The following HTR2C variants were observed in gnomAD, a reference collection of about 807,000 sequenced individuals.
HTR2C encodes the protein 5-hydroxytryptamine receptor 2C.
In HTR2C, 5 loss-of-function variants were observed where a neutral mutation model predicts 21.0. The observed-to-expected ratio is 0.24, with a 90% confidence interval of 0.12 to 0.50. The LOEUF (loss-of-function observed/expected upper bound fraction) is 0.50, where lower values mean the gene tolerates loss of function less well. Ranked by LOEUF, HTR2C falls within the 20% of genes least tolerant of loss-of-function variation. The pLI is 0.98. For synonymous variants in HTR2C, 150 were observed against 145.3 expected, an observed-to-expected ratio of 1.03 and a Z score of -0.23; for missense variants, 271 against 371.2, an observed-to-expected ratio of 0.73 and a Z score of 2.22.
chrX:114,678,113 C>A (rs1931624078), intron 2 of HTR2C, among the ~76,000 whole-genome samples: 1 of 111,384 alleles, frequency 9.0e-6, no homozygotes, highest in African/African-American at 3.3e-5. Flanking sequence ...TGGACCCCAG[C>A]ATAATTCAAG....
chrX:114,608,395 A>G (rs1487711083), intron 1 of HTR2C, among the ~76,000 whole-genome samples: 1 of 110,714 alleles, frequency 9.0e-6, no homozygotes, highest in East Asian at 2.8e-4. Flanking sequence ...TCCTATACCC[A>G]TTTACAATCA....
At chrX:114,887,021 G>A (rs1474603237) in intron 5 of HTR2C, among the ~76,000 whole-genome samples, 2 of 112,035 alleles carry the variant, frequency 1.8e-5, no homozygotes, top group Non-Finnish European at 3.8e-5. Context: ...ATACAGCATT[G>A]CAATGGGAAT....
intron 5 of HTR2C, among the ~76,000 whole-genome samples, chrX:114,876,316 G>T (rs2071134368): frequency 9.3e-6 from 1 of 107,909 alleles, no homozygotes; most frequent in Non-Finnish European, 1.9e-5. Context: ...ATACTTTAGG[G>T]TTTTACTTAT....
intron 2 of HTR2C, among the ~76,000 whole-genome samples, chrX:114,704,123 T>C (rs997421978): frequency 2.2e-4 from 25 of 111,497 alleles, no homozygotes; most frequent in Admixed American, 2.9e-4. Context: ...TGAATTCTAC[T>C]GGAGGTACAA....
At chrX:114,766,120 CT>C (rs2069945638) in intron 4 of HTR2C, among the ~76,000 whole-genome samples, 1 of 111,526 alleles carries the variant, frequency 9.0e-6, no homozygotes, top group Non-Finnish European at 1.9e-5. Flanking sequence ...GAATTTGTGC[CT>C]GGAATAAGAG....
At chrX:114,775,059 A>T in intron 4 of HTR2C, 1 of 487,457 alleles carries the variant, frequency 2.1e-6, no homozygotes, top group South Asian at 2.7e-5. Context: ...ACTTGTCCAG[A>T]ATCTTCTGTT....
At chrX:114,880,841 C>T (rs1372950886) in intron 5 of HTR2C, among the ~76,000 whole-genome samples, 3 of 111,123 alleles carry the variant, frequency 2.7e-5, no homozygotes, top group Non-Finnish European at 5.7e-5. Context: ...ACCTTTGGCT[C>T]GTAGCCAATA....
intron 4 of HTR2C, among the ~76,000 whole-genome samples, chrX:114,738,807 T>C (rs1384303856): frequency 9.4e-6 from 1 of 106,552 alleles, no homozygotes; most frequent in African/African-American, 3.4e-5. Flanking sequence ...AAGTAGAAAA[T>C]ATATGTATAT....
At position 114,703,221 on chromosome X, in the gene HTR2C, C is replaced by G. The variant is rs782324148; in HGVS notation, c.-79-23637C>G. Among the ~76,000 whole-genome samples, 678 of 107,416 alleles carry G rather than the reference C, an allele frequency of 6.3e-3. 5 individuals carry two copies. The highest frequency in any genetic ancestry group is 0.022 in the African/African-American group (643 of 29,757). The allele number at this position is 107,416 out of a possible 115,157, so 93.3% of individuals were successfully genotyped here. A position where few individuals can be genotyped will look rare whatever the true frequency, so the allele number is the denominator to read the frequency against. ...TGCACCAAGAGGACCTAATAGACATCTACAGAACTCTCCACCCCAAATCAA... is the reference window on the plus strand; with the variant it reads ...TGCACCAAGAGGACCTAATAGACATGTACAGAACTCTCCACCCCAAATCAA... On this transcript the variant is annotated intron_variant, in intron 2 of 5. Coordinates refer to ENST00000276198, the MANE Select transcript of HTR2C (RefSeq NM_000868.4).
chrX:114,705,080 A>G (rs1255109154), intron 2 of HTR2C, among the ~76,000 whole-genome samples: 2 of 105,136 alleles, frequency 1.9e-5, no homozygotes, highest in Non-Finnish European at 3.9e-5. Flanking sequence ...ATGGAAGAAC[A>G]TTCCATGCTC....
intron 2 of HTR2C, among the ~76,000 whole-genome samples, chrX:114,622,851 T>C (rs111779633): frequency 2.9e-3 from 330 of 112,093 alleles, no homozygotes; most frequent in African/African-American, 9.4e-3. Context: ...CAGGAAAGAT[T>C]TGTCTTTGGC....
chrX:114,802,510 G>A (rs782166527), intron 4 of HTR2C, among the ~76,000 whole-genome samples: 2 of 110,591 alleles, frequency 1.8e-5, no homozygotes, highest in African/African-American at 6.6e-5. Context: ...CAGAAATATG[G>A]TTCAGTATTT....
intron 2 of HTR2C, among the ~76,000 whole-genome samples, chrX:114,654,861 T>C (rs1485059636): frequency 9.0e-6 from 1 of 110,544 alleles, no homozygotes; most frequent in Non-Finnish European, 1.9e-5. Flanking sequence ...GTCAGTATTG[T>C]ATTTCTCCTG....
In HTR2C at chrX:114,802,683, ATTCTTTCTTTCT is replaced by A. The variant is rs57990660; in HGVS notation, c.350-45274_350-45263del. Among the ~76,000 whole-genome samples, 426 of 66,794 alleles carry A rather than the reference ATTCTTTCTTTCT, an allele frequency of 6.4e-3. 4 individuals carry two copies. The highest frequency in any genetic ancestry group is 0.022 in the Middle Eastern group (3 of 137). 58.0% of individuals were successfully genotyped at this position (66,794 alleles called of 115,157 possible). ...GATTTTATTGCCATGCTATGCTTAG[ATTCTTTCTTTCT>A]TTCTTTCTTTCTTTCTTTCTTTCTT... On this transcript the variant is annotated intron_variant, in intron 4 of 5. Coordinates refer to ENST00000276198, the MANE Select transcript of HTR2C (RefSeq NM_000868.4).
chrX:114,855,208 T>A (rs1003399589), intron 5 of HTR2C, among the ~76,000 whole-genome samples: 1 of 111,622 alleles, frequency 9.0e-6, no homozygotes, highest in Non-Finnish European at 1.9e-5. Context: ...AATCACTGAC[T>A]TTTTTATATA....
At chrX:114,887,693 C>A (rs1485504576) in intron 5 of HTR2C, among the ~76,000 whole-genome samples, 3 of 110,922 alleles carry the variant, frequency 2.7e-5, no homozygotes, top group Non-Finnish European at 5.7e-5. Flanking sequence ...AATATGCTAT[C>A]CCATCACTTT....
At chrX:114,782,070 G>T (rs1340619232) in intron 4 of HTR2C, among the ~76,000 whole-genome samples, 4 of 97,671 alleles carry the variant, frequency 4.1e-5, no homozygotes, top group Admixed American at 1.2e-4. Flanking sequence ...CACAAAAGCA[G>T]TCTGACAAAA....
At chrX:114,734,564 T>TAAAAAAAAAAAAAAAAAAAA (rs61672860) in intron 4 of HTR2C, among the ~76,000 whole-genome samples, 16 of 34,294 alleles carry the variant, frequency 4.7e-4, no homozygotes, top group Non-Finnish European at 5.5e-4. Flanking sequence ...GCCTTACATG[T>TAAAAAAAAAAAAAAAAAAAA]AAAAAAAAAA....
rs369447787 is a variant in HTR2C at position 114,859,316 on chromosome X, C to CTGTG, written c.550+11130_550+11133dup. 2.5e-3 allele frequency among the ~76,000 whole-genome samples: 271 copies of CTGTG among 106,436 alleles called. 1 individual carries two copies. Among genetic ancestry groups the CTGTG allele is most frequent in the African/African-American group, 8.4e-3 (248 of 29,483 alleles). 92.4% of individuals were successfully genotyped at this position (106,436 alleles called of 115,157 possible). On this transcript the variant is annotated intron_variant, in intron 5 of 5. Transcript: ENST00000276198. ...TCTGAGCCTGCAGGGTGGTATGTGT[C>CTGTG]TGTGTGTGTGTGTGTGTGTGCGTGT...
Sources: gnomAD v4.1 joint callset for allele counts (sites outside exome capture counted in the v4.1 genomes callset) on GRCh38, gnomAD v4.1.1 for gene constraint, MANE v1.5 for transcripts, NCBI Gene and HGNC (gene_info 2026-07-23, HGNC 2026-07-21) for gene names.